TIPRL: variants seen among roughly 807,000 people sequenced by gnomAD.
The protein encoded by TIPRL is TOR signaling pathway regulator.
Under a neutral mutation model 32.3 loss-of-function variants are expected in TIPRL, and 10 were observed. That is an observed-to-expected ratio of 0.31 (90% CI 0.19 to 0.52). The LOEUF (loss-of-function observed/expected upper bound fraction) is 0.52, where lower values mean the gene tolerates loss of function less well. Ranked by LOEUF, TIPRL falls within the 20% of genes least tolerant of loss-of-function variation. The pLI is 0.96. For missense variants in TIPRL, 250 were observed against 328.1 expected, an observed-to-expected ratio of 0.76 and a Z score of 1.84; for synonymous variants, 100 against 114.0, an observed-to-expected ratio of 0.88 and a Z score of 0.78.
chr1:168,186,876 ATGTTAAGAAGATAGTGTTG>A (rs1297520374), intron 3 of TIPRL, among the ~76,000 whole-genome samples: 1 of 152,242 alleles, frequency 6.6e-6, no homozygotes, highest in Non-Finnish European at 1.5e-5. Context: ...TTAGGCAGAA[ATGTTAAGAAGATAGTGTTG>A]TGTCTGGGCC....
rs766934400 is a variant in TIPRL, at chr1:168,184,795, T to C, written c.301T>C (p.Ser101Pro). The change falls in exon 3 of 7, where the codon TCC (serine) becomes CCC (proline). Residue 101 changes from serine to proline, a missense_variant. By Grantham distance (74) the Ser-to-Pro change is moderately conservative. Transcript: ENST00000367833. Reference protein sequence around the residue: ...WQESRTEGEHSKEVIKPYDWT... With the variant: ...WQESRTEGEHPKEVIKPYDWT... The stretch of plus-strand genomic sequence containing the variant: ...GTATTTGAGGACGGAGGGTGAACAC[T>C]CCAAAGAGGTTATTAAACCATATGA... The C allele has an allele frequency of 6.2e-7, 1 of 1,611,828 alleles. No individual in the cohort carries two copies. Among genetic ancestry groups the C allele is most frequent in the Admixed American group, 1.7e-5 (1 of 59,904 alleles).
At chr1:168,183,377 A>ATTTTTTTTTTTTTT (rs55731463) in intron 1 of TIPRL, among the ~76,000 whole-genome samples, 3 of 129,744 alleles carry the variant, frequency 2.3e-5, no homozygotes, top group Admixed American at 8.1e-5. Context: ...AATTCCTGTG[A>ATTTTTTTTTTTTTT]TTTTTTTTTT....
chr1:168,191,997 T>C (rs1700103734), intron 4 of TIPRL, among the ~76,000 whole-genome samples: 1 of 152,214 alleles, frequency 6.6e-6, no homozygotes, highest in African/African-American at 2.4e-5. Context: ...AAGGCTTTAT[T>C]TTAGCAAAGC....
chr1:168,180,820 C>CTTTTTTTTTTTTTTTTT (rs71118909), intron 1 of TIPRL, among the ~76,000 whole-genome samples: 1 of 124,166 alleles, frequency 8.1e-6, no homozygotes. Context: ...TTTTTTATAA[C>CTTTTTTTTTTTTTTTTT]TTTTTTTTTT....
intron 1 of TIPRL, among the ~76,000 whole-genome samples, chr1:168,179,439 C>A (rs924686431): frequency 6.6e-6 from 1 of 152,078 alleles, no homozygotes; most frequent in Non-Finnish European, 1.5e-5. Flanking sequence ...GGTGGACTTT[C>A]CCCTCACCAA....
At chr1:168,180,973 T>A (rs1699955625) in intron 1 of TIPRL, among the ~76,000 whole-genome samples, 2 of 151,268 alleles carry the variant, frequency 1.3e-5, no homozygotes, top group South Asian at 4.1e-4. Flanking sequence ...CTTGTATAAC[T>A]TTTATTTATT....
intron 6 of TIPRL, 50 bp downstream of exon 6, chr1:168,199,031 T>A: frequency 6.9e-7 from 1 of 1,450,898 alleles, no homozygotes; most frequent in Non-Finnish European, 9.5e-7. Flanking sequence ...TGTTTCATTT[T>A]AATTTAAGTA....
At chr1:168,184,954 G>A in intron 3 of TIPRL, 76 bp downstream of exon 3, 1 of 880,414 alleles carries the variant, frequency 1.1e-6, no homozygotes, top group East Asian at 2.8e-5. Flanking sequence ...CTAGTAACGG[G>A]TTATTTTTTG....
chr1:168,195,931 G>A lies in TIPRL; in HGVS notation c.517-616G>A, dbSNP rs74121049. 5.8e-3 allele frequency among the ~76,000 whole-genome samples: 878 copies of A among 152,088 alleles called. 8 individuals are homozygous for A. Among genetic ancestry groups the A allele is most frequent in the African/African-American group, 0.02 (828 of 41,482 alleles). ...CATTCCATTCAACCGCTCTCTCCCC[G>A]CCACCAGGACCCACCTTCATACTTT... On this transcript the variant is annotated intron_variant, in intron 4 of 6. Transcript: ENST00000367833.
chr1:168,193,145 G>A (rs903781720), intron 4 of TIPRL, among the ~76,000 whole-genome samples: 2 of 152,134 alleles, frequency 1.3e-5, no homozygotes, highest in Admixed American at 6.5e-5. Context: ...CTATGATGGT[G>A]CCACTGCACC....
intron 3 of TIPRL, 27 bp from the exon 4 acceptor site, chr1:168,191,342 G>T: frequency 1.3e-6 from 2 of 1,507,430 alleles, no homozygotes; most frequent in South Asian, 1.4e-5. Flanking sequence ...TTTTTAATGT[G>T]CTCCTCTTTA....
chr1:168,196,651 T>A lies in TIPRL; in HGVS notation c.612+9T>A. 6.4e-7 allele frequency: 1 copy of A among 1,557,308 alleles called. No individual in the cohort carries two copies. The highest frequency in any genetic ancestry group is 8.7e-7 in the Non-Finnish European group (1 of 1,143,614). ...CGAGACTTTACCATGAGGTATTTAT[T>A]GTTGTTTAATGAATATACTAATTGA... On this transcript the variant is annotated intron_variant, in intron 5 of 6. Transcript: ENST00000367833.
chr1:168,196,302 A>G (rs926760755), intron 4 of TIPRL, among the ~76,000 whole-genome samples: 1 of 152,162 alleles, frequency 6.6e-6, no homozygotes, highest in Non-Finnish European at 1.5e-5. Context: ...TTAAACCTCA[A>G]TATCTCCTCA....
intron 4 of TIPRL, chr1:168,192,270 C>T (rs1043761013): frequency 3.8e-6 from 5 of 1,302,566 alleles, no homozygotes; most frequent in African/African-American, 3.0e-5. Flanking sequence ...AGCGTGAACC[C>T]GGGAGGCGGA....
At chr1:168,187,964 C>T (rs1203797719) in intron 3 of TIPRL, among the ~76,000 whole-genome samples, 1 of 152,008 alleles carries the variant, frequency 6.6e-6, no homozygotes, top group Non-Finnish European at 1.5e-5. Context: ...AGAGCGACAC[C>T]CTATCTCAAA....
At chr1:168,188,327 C>G (rs12732275) in intron 3 of TIPRL, among the ~76,000 whole-genome samples, 2,154 of 152,194 alleles carry the variant, frequency 0.014, 17 homozygotes, top group Non-Finnish European at 0.022. Flanking sequence ...TAGTCAAGGA[C>G]AGAGCTCTGC....
At chr1:168,182,157 C>G (rs1215788564) in intron 1 of TIPRL, among the ~76,000 whole-genome samples, 3 of 151,734 alleles carry the variant, frequency 2.0e-5, no homozygotes, top group Non-Finnish European at 2.9e-5. Context: ...GATGCATTAT[C>G]ATAGATTGTA....
chr1:168,180,258 G>A (rs187317938), intron 1 of TIPRL, among the ~76,000 whole-genome samples: 29 of 152,312 alleles, frequency 1.9e-4, no homozygotes, highest in African/African-American at 6.7e-4. Context: ...AGTCTATGCT[G>A]ATGACAAGAT....
intron 1 of TIPRL, among the ~76,000 whole-genome samples, chr1:168,179,568 GC>G (rs1469507865): frequency 6.6e-6 from 1 of 152,270 alleles, no homozygotes; most frequent in East Asian, 1.9e-4. Flanking sequence ...CAGGTGCTGT[GC>G]CCGGCGCTTG....
Sources: allele counts gnomAD v4.1 joint callset (sites outside exome capture counted in the v4.1 genomes callset), GRCh38; gene constraint gnomAD v4.1.1; transcripts MANE v1.5; gene names NCBI Gene and HGNC (gene_info 2026-07-23, HGNC 2026-07-21).